The following NFIL3 variants were observed in gnomAD, a reference collection of about 807,000 sequenced individuals.
The protein encoded by NFIL3 is nuclear factor interleukin-3-regulated protein.
NFIL3 carries 5 observed loss-of-function variants against 10.0 expected under a neutral mutation model. That is an observed-to-expected ratio of 0.50 (90% CI 0.26 to 1.06). The LOEUF (loss-of-function observed/expected upper bound fraction) is 1.06. Ranked by LOEUF, NFIL3 falls within the 50% of genes least tolerant of loss-of-function variation. The pLI is 0.13. For missense variants in NFIL3, 436 were observed against 547.6 expected (o/e 0.80, Z 2.03); for synonymous variants, 202 against 206.5 (o/e 0.98, Z 0.19).
chr9:91,467,193 A>G, the NFIL3 span, among the ~76,000 whole-genome samples: 1 of 151,810 alleles, frequency 6.6e-6, no homozygotes, highest in Non-Finnish European at 1.5e-5. Flanking sequence ...ATATCATATT[A>G]TATGTATATA....
the NFIL3 span, among the ~76,000 whole-genome samples, chr9:91,428,969 G>A: frequency 6.6e-6 from 1 of 152,190 alleles, no homozygotes; most frequent in African/African-American, 2.4e-5. Flanking sequence ...AGCTAATCGT[G>A]TTCATTGCAA....
At chr9:91,447,618 A>C in the NFIL3 span, among the ~76,000 whole-genome samples, 1 of 152,186 alleles carries the variant, frequency 6.6e-6, no homozygotes. Flanking sequence ...ATCCTTATTG[A>C]CTATGAGTAT....
At chr9:91,452,643 C>T in the NFIL3 span, among the ~76,000 whole-genome samples, 5 of 151,838 alleles carry the variant, frequency 3.3e-5, no homozygotes, top group African/African-American at 2.4e-5. Flanking sequence ...AAAAATTAGC[C>T]AGGTGTGGTG....
At chr9:91,476,433 T>C in the NFIL3 span, among the ~76,000 whole-genome samples, 1 of 151,922 alleles carries the variant, frequency 6.6e-6, no homozygotes, top group Admixed American at 6.6e-5. Flanking sequence ...ATTAGCTGGG[T>C]GTGGTGGCAC....
chr9:91,476,295 G>A, the NFIL3 span, among the ~76,000 whole-genome samples: 40 of 152,242 alleles, frequency 2.6e-4, no homozygotes, highest in South Asian at 8.3e-4. Flanking sequence ...ACGACTGACC[G>A]GGCACAGTGG....
At chr9:91,456,410 G>A in the NFIL3 span, among the ~76,000 whole-genome samples, 4,587 of 152,064 alleles carry the variant, frequency 0.03, 96 homozygotes, top group East Asian at 0.093. Flanking sequence ...TCAGTCTTTC[G>A]AATTTTATCT....
At chr9:91,435,103 CTCTT>C in the NFIL3 span, among the ~76,000 whole-genome samples, 7 of 152,156 alleles carry the variant, frequency 4.6e-5, no homozygotes, top group South Asian at 1.4e-3. Context: ...TGTGTGTTTT[CTCTT>C]TCTTTCTCTC....
At chr9:91,436,576 T>TCAACAACAACAA in the NFIL3 span, among the ~76,000 whole-genome samples, 5 of 138,610 alleles carry the variant, frequency 3.6e-5, no homozygotes, top group Non-Finnish European at 6.1e-5. Context: ...AGACTCTGCC[T>TCAACAACAACAA]CAACAACAAC....
intron 1 of NFIL3, among the ~76,000 whole-genome samples, chr9:91,417,354 C>T (rs1014744975): frequency 6.6e-6 from 1 of 152,156 alleles, no homozygotes; most frequent in Admixed American, 6.5e-5. Context: ...TCCAGTAAGA[C>T]AGCAGATGCT....
intron 1 of NFIL3, among the ~76,000 whole-genome samples, chr9:91,411,673 G>A (rs1424100290): frequency 1.3e-5 from 2 of 152,170 alleles, no homozygotes; most frequent in Non-Finnish European, 2.9e-5. Flanking sequence ...TAAGAGATTA[G>A]AATTTTTTTT....
At chr9:91,448,910 C>A in the NFIL3 span, among the ~76,000 whole-genome samples, 4 of 152,004 alleles carry the variant, frequency 2.6e-5, no homozygotes, top group Admixed American at 2.6e-4. Context: ...CTTTCAGCAA[C>A]GTTTTATAAT....
At position 91,409,818 on chromosome 9, in the gene NFIL3, T is replaced by G; in HGVS notation, c.917A>C (p.Lys306Thr). ...KGPIHSPVEL[K>T]HVHATVVKVP... Reference sequence around the variant, plus strand: ...TTTAACCACAGTTGCATGCACATGCTTGAGTTCAACTGGAGAATGGATGGG... The same window carrying G: ...TTTAACCACAGTTGCATGCACATGCGTGAGTTCAACTGGAGAATGGATGGG... The change falls in exon 2 of 2, where the codon AAG becomes ACG. Residue 306 changes from lysine (K) to threonine (T), a missense_variant. Coordinates refer to ENST00000297689, the MANE Select transcript of NFIL3 (RefSeq NM_005384.3). 1 of 1,614,180 alleles carries G rather than the reference T, an allele frequency of 6.2e-7. No individual in the cohort carries two copies. Among genetic ancestry groups the G allele is most frequent in the Non-Finnish European group, 8.5e-7 (1 of 1,180,040 alleles).
the NFIL3 span, among the ~76,000 whole-genome samples, chr9:91,452,603 C>T: frequency 1.3e-5 from 2 of 151,860 alleles, no homozygotes; most frequent in Non-Finnish European, 2.9e-5. Flanking sequence ...GGTGAAACCC[C>T]GTTTTTACTA....
At chr9:91,469,408 T>TATCG in the NFIL3 span, among the ~76,000 whole-genome samples, 1 of 152,208 alleles carries the variant, frequency 6.6e-6, no homozygotes, top group Non-Finnish European at 1.5e-5. Context: ...TGAAGTTGCT[T>TATCG]ATCAGCTTAA....
chr9:91,430,701 A>G, the NFIL3 span, among the ~76,000 whole-genome samples: 2 of 152,160 alleles, frequency 1.3e-5, no homozygotes, highest in Non-Finnish European at 2.9e-5. Flanking sequence ...GCTGGAGTGC[A>G]GTGGCATGAT....
the NFIL3 span, among the ~76,000 whole-genome samples, chr9:91,454,842 G>A: frequency 6.6e-5 from 10 of 152,136 alleles, no homozygotes; most frequent in Non-Finnish European, 1.0e-4. Flanking sequence ...AAAACAAAAC[G>A]AAACAAAACA....
At chr9:91,423,382 G>A (rs1833808813) in intron 1 of NFIL3, among the ~76,000 whole-genome samples, 1 of 152,064 alleles carries the variant, frequency 6.6e-6, no homozygotes, top group Non-Finnish European at 1.5e-5. Context: ...GGGGGAGAGC[G>A]CAAACCAGCC....
upstream of NFIL3, chr9:91,426,833 C>T (rs1833877953): frequency 6.6e-6 from 1 of 152,156 alleles, no homozygotes; most frequent in Admixed American, 6.5e-5. Flanking sequence ...TCTACAGCTG[C>T]AGAATGTCTT....
chr9:91,412,009 G>A (rs970649171), intron 1 of NFIL3, among the ~76,000 whole-genome samples: 2 of 148,520 alleles, frequency 1.3e-5, no homozygotes, highest in East Asian at 2.0e-4. Context: ...GGCTGAGGCA[G>A]GAGAATTGCT....
Sources: gnomAD v4.1 joint callset for allele counts (sites outside exome capture counted in the v4.1 genomes callset) on GRCh38, gnomAD v4.1.1 for gene constraint, MANE v1.5 for transcripts, NCBI Gene and HGNC (gene_info 2026-07-23, HGNC 2026-07-21) for gene names.